Variants in IP6K2 observed in about 807,000 individuals in gnomAD.
IP6K2 encodes the protein ATP:1D-myo-inositol-hexakisphosphate phosphotransferase.
Under a neutral mutation model 43.3 loss-of-function variants are expected in IP6K2, and 9 were observed. The observed-to-expected ratio is 0.21, with a 90% CI of 0.13 to 0.36. The LOEUF (loss-of-function observed/expected upper bound fraction) is 0.36. Ranked by LOEUF, IP6K2 falls within the 10% of genes least tolerant of loss-of-function variation. The pLI is 1.00. For synonymous variants in IP6K2, 209 were observed against 202.4 expected, an observed-to-expected ratio of 1.03 and a Z score of -0.28; for missense variants, 332 against 538.4, an observed-to-expected ratio of 0.62 and a Z score of 3.79.
intron 2 of IP6K2, chr3:48,693,705 C>T (rs1346596904): frequency 9.4e-7 from 1 of 1,067,796 alleles, no homozygotes; most frequent in East Asian, 8.2e-5. Context: ...AACCACACAG[C>T]ACAAGACACC....
intron 1 of IP6K2, among the ~76,000 whole-genome samples, chr3:48,716,649 G>T (rs2081224831): frequency 6.6e-6 from 1 of 152,054 alleles, no homozygotes. Flanking sequence ...GGGCCCAAAT[G>T]GCATTCAACA....
chr3:48,707,100 T>C (rs1278794658), intron 1 of IP6K2, among the ~76,000 whole-genome samples: 2 of 152,216 alleles, frequency 1.3e-5, no homozygotes, highest in African/African-American at 2.4e-5. Flanking sequence ...ACCTGCCCTA[T>C]ACTAGGTGGT....
chr3:48,688,782 G>C lies in IP6K2; in HGVS notation c.781-9C>G. The C allele has an allele frequency of 6.3e-7, 1 of 1,593,336 alleles. No individual in the cohort carries two copies. The highest frequency in any genetic ancestry group is 1.3e-5 in the African/African-American group (1 of 74,698). On this transcript the variant is annotated splice_polypyrimidine_tract_variant and intron_variant, in intron 5 of 5. Coordinates refer to ENST00000328631, the MANE Select transcript of IP6K2 (RefSeq NM_016291.4). This position sits in a 1 kb window ranked among gnomAD's most constrained non-coding sequence, Gnocchi z 5.1. Reference sequence around the variant, plus strand: ...CTGCCTGCTTGGTACACCTGTAGGAGAGAGACCAGCAAGTCAGGGGCTGAG... The same window carrying C: ...CTGCCTGCTTGGTACACCTGTAGGACAGAGACCAGCAAGTCAGGGGCTGAG...
In IP6K2 at chr3:48,717,182, C is replaced by G. The variant is rs1399084585; in HGVS notation, c.-156G>C. ...CTGCCGCCTCAGCCGGGTTCCTCGG[C>G]GTTTCCGTCCTATTGTTTCTCTCGC... On this transcript the variant is annotated 5_prime_UTR_variant, in exon 1 of 6. Coordinates refer to ENST00000328631, the MANE Select transcript of IP6K2 (RefSeq NM_016291.4). 2 of 154,878 alleles carry G rather than the reference C, an allele frequency of 1.3e-5. No individual in the cohort carries two copies. The highest frequency in any genetic ancestry group is 3.8e-4 in the East Asian group (2 of 5,198). 9.6% of individuals were successfully genotyped at this position (154,878 alleles called of 1,614,324 possible). A position where few individuals can be genotyped will look rare whatever the true frequency, so the allele number is the denominator to read the frequency against.
In IP6K2 at chr3:48,695,003, C is replaced by T; in HGVS notation, c.202+87G>A. ...CACAGAGTGGGAGGGAGTGAGGGCT[C>T]CAGGGATGGCTGCCAGGGCCTTCCA... On this transcript the variant is annotated intron_variant, in intron 2 of 5. Coordinates refer to ENST00000328631, the MANE Select transcript of IP6K2 (RefSeq NM_016291.4). This position sits in a 1 kb window ranked among gnomAD's most constrained non-coding sequence, Gnocchi z 4.6. The T allele has an allele frequency of 6.2e-7, 1 of 1,611,846 alleles. No individual in the cohort carries two copies. Among genetic ancestry groups the T allele is most frequent in the South Asian group, 1.1e-5 (1 of 90,864 alleles).
chr3:48,704,337 G>C (rs561565618), intron 1 of IP6K2, among the ~76,000 whole-genome samples: 4 of 152,156 alleles, frequency 2.6e-5, no homozygotes, highest in Admixed American at 6.5e-5. Flanking sequence ...GAACACATTC[G>C]CCTCCACATC....
At chr3:48,703,789 T>G (rs1235906277) in intron 1 of IP6K2, among the ~76,000 whole-genome samples, 1 of 150,518 alleles carries the variant, frequency 6.6e-6, no homozygotes, top group Non-Finnish European at 1.5e-5. Context: ...ATAAAAATAT[T>G]TTTTAAAATA....
In IP6K2 at chr3:48,691,468, TC is replaced by T; in HGVS notation, c.442del (p.Glu148LysfsTer6). 6.2e-7 allele frequency: 1 copy of T among 1,609,736 alleles called. No individual in the cohort carries two copies. Among genetic ancestry groups the T allele is most frequent in the Non-Finnish European group, 8.5e-7 (1 of 1,177,170 alleles). On this transcript the variant is annotated frameshift_variant, in exon 4 of 6. Coordinates refer to ENST00000328631, the MANE Select transcript of IP6K2 (RefSeq NM_016291.4). LOFTEE classifies it high-confidence loss of function. ...AGATTTCTTTAGCCACTCAAATTCT[TC>T]TTCTAACTTATGGCTATAAAGAGAT... ...EEKMKSHKLE[E>X]EFEWLKKSEV...
At chr3:48,696,578 C>T (rs765105272) in intron 1 of IP6K2, among the ~76,000 whole-genome samples, 7 of 152,140 alleles carry the variant, frequency 4.6e-5, no homozygotes, top group Non-Finnish European at 8.8e-5. Flanking sequence ...TTTGGATGCA[C>T]CCTGTTAACC....
intron 1 of IP6K2, among the ~76,000 whole-genome samples, chr3:48,705,885 A>T (rs1223472662): frequency 7.9e-6 from 1 of 126,446 alleles, no homozygotes; most frequent in Non-Finnish European, 1.6e-5. Flanking sequence ...ATAAAAAAAT[A>T]AAAAATAATA....
chr3:48,715,184 A>T, intron 1 of IP6K2: 1 of 953,164 alleles, frequency 1.0e-6, no homozygotes, highest in Non-Finnish European at 1.6e-6. Context: ...TCATCTGCTT[A>T]CTTTCTAATG....
chr3:48,704,032 C>T (rs1217829366), intron 1 of IP6K2, among the ~76,000 whole-genome samples: 3 of 152,018 alleles, frequency 2.0e-5, no homozygotes, highest in African/African-American at 7.2e-5. Flanking sequence ...GCAGAGGCTG[C>T]AGTGACCGGA....
At chr3:48,711,942 C>T (rs2080568778) in intron 1 of IP6K2, among the ~76,000 whole-genome samples, 1 of 152,142 alleles carries the variant, frequency 6.6e-6, no homozygotes, top group Admixed American at 6.6e-5. Flanking sequence ...AACTTACCAC[C>T]ACCCCCTGCT....
At chr3:48,691,940 G>A (rs1338799237) in intron 3 of IP6K2, among the ~76,000 whole-genome samples, 1 of 152,016 alleles carries the variant, frequency 6.6e-6, no homozygotes, top group Admixed American at 6.5e-5. Context: ...ACGCCTCCCG[G>A]TTCTAGAGAT....
intron 2 of IP6K2, chr3:48,694,714 T>C (rs1472223942): frequency 6.6e-7 from 1 of 1,505,810 alleles, no homozygotes; most frequent in African/African-American, 1.4e-5. Flanking sequence ...GGGCTTCTGG[T>C]TTCCTGGAGG....
At chr3:48,693,980 G>GATAAT in intron 2 of IP6K2, 1 of 1,386,630 alleles carries the variant, frequency 7.2e-7, no homozygotes, top group South Asian at 1.7e-5. Flanking sequence ...AGGTGCCGAC[G>GATAAT]AGCGCCTTAC....
At position 48,695,306 on chromosome 3, in the gene IP6K2, T is replaced by C. The variant is rs770251392; in HGVS notation, c.-15A>G. 18 of 1,598,708 alleles carry C rather than the reference T, an allele frequency of 1.1e-5. No individual in the cohort carries two copies. The East Asian group carries it at 1.3e-4, about 12-fold the overall frequency. ...GCTGGGCTCATCCTCCGGGCGCAGA[T>C]GGCGGGGAGATGGGGGAGGCAGCGG... On this transcript the variant is annotated 5_prime_UTR_variant, in exon 2 of 6. Coordinates refer to ENST00000328631, the MANE Select transcript of IP6K2 (RefSeq NM_016291.4). The surrounding 1 kb of genome is among the most constrained non-coding windows in gnomAD (Gnocchi z 4.6).
intron 1 of IP6K2, among the ~76,000 whole-genome samples, chr3:48,702,482 GCC>G (rs1284767997): frequency 7.0e-6 from 1 of 142,330 alleles, no homozygotes; most frequent in East Asian, 2.3e-4. Flanking sequence ...TTGCTCTGTT[GCC>G]CAGGCTAAAA....
intron 1 of IP6K2, chr3:48,715,619 C>T (rs1452041161): frequency 4.6e-6 from 3 of 650,112 alleles, no homozygotes; most frequent in Non-Finnish European, 7.8e-6. Context: ...CCAGGCCCTG[C>T]ATAAAAAACA....
Sources: gnomAD v4.1 joint callset for allele counts (sites outside exome capture counted in the v4.1 genomes callset) on GRCh38, gnomAD v4.1.1 for gene constraint, Gnocchi (gnomAD v3.1) non-coding constraint, MANE v1.5 for transcripts, NCBI Gene and HGNC (gene_info 2026-07-23, HGNC 2026-07-21) for gene names.